Variants in SNTG1 observed in about 807,000 individuals in gnomAD.
SNTG1 encodes the protein gamma-1-syntrophin.
Under a neutral mutation model 74.7 loss-of-function variants are expected in SNTG1, and 39 were observed. The ratio of observed to expected loss-of-function variants is 0.52; its 90% CI spans 0.40 to 0.68. The LOEUF (loss-of-function observed/expected upper bound fraction) is 0.68. Ranked by LOEUF, SNTG1 falls within the 30% of genes least tolerant of loss-of-function variation. The pLI is 0.00. For synonymous variants in SNTG1, 254 were observed against 217.1 expected (o/e 1.17, Z -1.49); for missense variants, 685 against 609.5 (o/e 1.12, Z -1.30).
At chr8:49,912,785 A>T (rs943906076) in intron 1 of SNTG1, among the ~76,000 whole-genome samples, 1 of 152,212 alleles carries the variant, frequency 6.6e-6, no homozygotes, top group African/African-American at 2.4e-5. Flanking sequence ...ATTTTTACTT[A>T]GCACCCTCTT....
intron 2 of SNTG1, among the ~76,000 whole-genome samples, chr8:50,197,832 C>T (rs1055057872): frequency 6.6e-6 from 1 of 152,082 alleles, no homozygotes; most frequent in African/African-American, 2.4e-5. Flanking sequence ...TCTAAACCAT[C>T]TATTTTTCCC....
intron 2 of SNTG1, among the ~76,000 whole-genome samples, chr8:50,238,644 GA>G (rs1208307747): frequency 6.6e-6 from 1 of 152,148 alleles, no homozygotes; most frequent in Non-Finnish European, 1.5e-5. Flanking sequence ...TGACAAGTGG[GA>G]CCTAATTAAG....
chr8:50,601,360 C>T (rs1456141548), intron 13 of SNTG1, among the ~76,000 whole-genome samples: 1 of 151,712 alleles, frequency 6.6e-6, no homozygotes, highest in African/African-American at 2.4e-5. Context: ...TTCAATTTCC[C>T]TCTTAATTTC....
intron 2 of SNTG1, among the ~76,000 whole-genome samples, chr8:50,260,076 C>A (rs748390934): frequency 3.9e-4 from 60 of 152,194 alleles, no homozygotes; most frequent in Admixed American, 8.5e-4. Context: ...GAGAAAAAAG[C>A]AACTGTTTTG....
intron 2 of SNTG1, among the ~76,000 whole-genome samples, chr8:50,324,312 T>C (rs1257290098): frequency 2.0e-5 from 3 of 152,248 alleles, no homozygotes; most frequent in African/African-American, 7.2e-5. Flanking sequence ...GCACAGATTC[T>C]GTCTCCACAG....
At chr8:50,493,216 A>G (rs948296040) in intron 8 of SNTG1, among the ~76,000 whole-genome samples, 1 of 152,206 alleles carries the variant, frequency 6.6e-6, no homozygotes, top group Admixed American at 6.5e-5. Context: ...AATTTTTAAA[A>G]TTCTGGCACC....
chr8:50,288,105 A>G (rs993867839), intron 2 of SNTG1, among the ~76,000 whole-genome samples: 9 of 152,278 alleles, frequency 5.9e-5, no homozygotes, highest in South Asian at 2.1e-4. Flanking sequence ...TATTTCTAGT[A>G]TTGAGAAAAA....
At chr8:50,107,993 G>A (rs1586307368) in intron 1 of SNTG1, among the ~76,000 whole-genome samples, 1 of 152,262 alleles carries the variant, frequency 6.6e-6, no homozygotes, top group East Asian at 1.9e-4. Flanking sequence ...ATTTCCCCAA[G>A]CTATATTTTG....
At chr8:50,551,041 C>A (rs1371100597) in intron 11 of SNTG1, among the ~76,000 whole-genome samples, 1 of 151,940 alleles carries the variant, frequency 6.6e-6, no homozygotes, top group Non-Finnish European at 1.5e-5. Context: ...GTATTTAGAT[C>A]CACCAATTAT....
At chr8:50,587,066 C>A (rs982204176) in intron 12 of SNTG1, among the ~76,000 whole-genome samples, 1 of 151,856 alleles carries the variant, frequency 6.6e-6, no homozygotes, top group Non-Finnish European at 1.5e-5. Flanking sequence ...AAATCAATTT[C>A]GGTTCACGCT....
chr8:50,179,817 G>A (rs1250755299), intron 2 of SNTG1, among the ~76,000 whole-genome samples: 1 of 152,118 alleles, frequency 6.6e-6, no homozygotes, highest in Non-Finnish European at 1.5e-5. Context: ...GGAAACCCTT[G>A]TGCACTGCTG....
intron 12 of SNTG1, among the ~76,000 whole-genome samples, chr8:50,576,443 C>A (rs141287889): frequency 6.6e-6 from 1 of 152,036 alleles, no homozygotes; most frequent in Non-Finnish European, 1.5e-5. Flanking sequence ...TTTGGCAATT[C>A]GGGAGGGCCC....
intron 1 of SNTG1, among the ~76,000 whole-genome samples, chr8:50,141,524 A>AATGG (rs1217621887): frequency 6.6e-6 from 1 of 152,174 alleles, no homozygotes; most frequent in Non-Finnish European, 1.5e-5. Context: ...TATGTGCAAA[A>AATGG]ATGGACATGT....
At chr8:50,208,450 G>T (rs1253507078) in intron 2 of SNTG1, among the ~76,000 whole-genome samples, 1 of 151,990 alleles carries the variant, frequency 6.6e-6, no homozygotes, top group African/African-American at 2.4e-5. Context: ...GAGCTTTTAT[G>T]TGTCTCTCCA....
At chr8:50,739,608 A>T (rs189684779) in intron 17 of SNTG1, among the ~76,000 whole-genome samples, 1 of 151,866 alleles carries the variant, frequency 6.6e-6, no homozygotes, top group Non-Finnish European at 1.5e-5. Flanking sequence ...TTACGAGAAA[A>T]CAACATAGAT....
At chr8:50,562,117 T>C (rs2094492076) in intron 12 of SNTG1, among the ~76,000 whole-genome samples, 1 of 152,242 alleles carries the variant, frequency 6.6e-6, no homozygotes, top group African/African-American at 2.4e-5. Context: ...TTGTCAATAA[T>C]TCAAAACTGA....
intron 2 of SNTG1, among the ~76,000 whole-genome samples, chr8:50,372,830 C>T (rs1243535196): frequency 5.9e-5 from 9 of 151,702 alleles, no homozygotes; most frequent in East Asian, 1.9e-4. Context: ...AACTGCATGC[C>T]GGGTTGAATT....
intron 2 of SNTG1, among the ~76,000 whole-genome samples, chr8:50,233,340 A>C (rs1027158484): frequency 6.6e-6 from 1 of 151,738 alleles, no homozygotes; most frequent in African/African-American, 2.4e-5. Context: ...TGGTGCTGGT[A>C]ACAATTGGAT....
At chr8:49,937,334 A>G (rs1319901395) in intron 1 of SNTG1, among the ~76,000 whole-genome samples, 1 of 152,178 alleles carries the variant, frequency 6.6e-6, no homozygotes, top group Non-Finnish European at 1.5e-5. Context: ...ACGTCAGGAG[A>G]AAGGGATGAC....
Sources: allele counts gnomAD v4.1 joint callset (sites outside exome capture counted in the v4.1 genomes callset), GRCh38; gene constraint gnomAD v4.1.1; transcripts MANE v1.5; gene names NCBI Gene and HGNC (gene_info 2026-07-23, HGNC 2026-07-21).